Variants in GAB3 observed in about 807,000 individuals in gnomAD.
GAB3 encodes the protein GRB2-associated-binding protein 3.
A neutral mutation model predicts 40.4 loss-of-function variants in GAB3; 12 were observed. That is an observed-to-expected ratio of 0.30 (90% CI 0.19 to 0.48). The LOEUF (loss-of-function observed/expected upper bound fraction) is 0.48. GAB3 is among the 20% of genes least tolerant of loss of function. The pLI is 0.99. For missense variants in GAB3, 381 were observed against 461.9 expected, an observed-to-expected ratio of 0.82 and a Z score of 1.61; for synonymous variants, 154 against 176.7, an observed-to-expected ratio of 0.87 and a Z score of 1.02.
At chrX:154,747,927 A>T (rs1024154947) in intron 1 of GAB3, among the ~76,000 whole-genome samples, 1 of 112,408 alleles carries the variant, frequency 8.9e-6, no homozygotes, top group East Asian at 2.7e-4. Flanking sequence ...TGCAACAAAG[A>T]ACCTATATCC....
intron 1 of GAB3, among the ~76,000 whole-genome samples, chrX:154,720,519 G>A (rs1361678876): frequency 2.7e-5 from 3 of 109,128 alleles, no homozygotes; most frequent in Non-Finnish European, 5.7e-5. Context: ...CCAGCTACTC[G>A]GGAGGCTGAG....
At position 154,699,390 on chromosome X, in the gene GAB3, G is replaced by A. The variant is rs1013532633; in HGVS notation, c.1249C>T (p.Pro417Ser). Residue 417 changes from proline to serine, a missense_variant, in exon 6 of 10, where the codon CCA becomes TCA. This residue lies in a region of GAB3 where 364 missense variants were observed against 421.0 expected (regional missense o/e 0.86). Transcript: ENST00000424127. ...GPHCSPDDYI[P>S]MNSGSISSPL... ...CTTGAGATGCTTCCTGAGTTCATTGGAATGTAGTCATCAGGGCTGCAGTGG... is the reference window on the plus strand; with the variant it reads ...CTTGAGATGCTTCCTGAGTTCATTGAAATGTAGTCATCAGGGCTGCAGTGG... The A allele has an allele frequency of 2.6e-5, 31 of 1,209,028 alleles. No individual in the cohort carries two copies. The highest frequency in any genetic ancestry group is 2.3e-4 in the Middle Eastern group (1 of 4,375).
At chrX:154,704,479 C>T (rs998083996) in intron 4 of GAB3, among the ~76,000 whole-genome samples, 4 of 111,400 alleles carry the variant, frequency 3.6e-5, no homozygotes, top group African/African-American at 1.3e-4. Context: ...ATCAAAACAT[C>T]TCATGTACCC....
chrX:154,710,825 T>C (rs1207395471), intron 4 of GAB3, among the ~76,000 whole-genome samples: 4 of 112,680 alleles, frequency 3.5e-5, no homozygotes, highest in African/African-American at 1.3e-4. Flanking sequence ...TTTATGTTTG[T>C]GTTGAAATTT....
chrX:154,751,039 G>T lies in GAB3; in HGVS notation c.-14C>A. 2 of 797,893 alleles carry T rather than the reference G, an allele frequency of 2.5e-6. No homozygotes were observed. The allele number at this position is 797,893 out of a possible 1,213,427, so 65.8% of individuals were successfully genotyped here. A position where few individuals can be genotyped will look rare whatever the true frequency, so the allele number is the denominator to read the frequency against. On this transcript the variant is annotated 5_prime_UTR_variant, in exon 1 of 10. Coordinates refer to ENST00000424127, the MANE Select transcript of GAB3 (RefSeq NM_001081573.3). ...GCCCGCACTCATCGTGGCCGCCGCC[G>T]CCGCTTCCTCCAGCTGGGCCAGCCG...
chrX:154,708,676 G>A (rs891280728), intron 4 of GAB3, among the ~76,000 whole-genome samples: 1 of 112,036 alleles, frequency 8.9e-6, no homozygotes, highest in Non-Finnish European at 1.9e-5. Flanking sequence ...GCCCACACCT[G>A]TGAGGATGGC....
chrX:154,722,244 TG>T (rs1557258831), intron 1 of GAB3, among the ~76,000 whole-genome samples: 1 of 110,414 alleles, frequency 9.1e-6, no homozygotes, highest in African/African-American at 3.3e-5. Flanking sequence ...TCAAATGTAC[TG>T]TGGTATATTT....
At chrX:154,710,263 C>T (rs182801481) in intron 4 of GAB3, among the ~76,000 whole-genome samples, 16 of 111,910 alleles carry the variant, frequency 1.4e-4, no homozygotes, top group Non-Finnish European at 2.1e-4. Context: ...ATCTACAGAT[C>T]GGATGCAATC....
At chrX:154,708,488 T>C (rs1381777119) in intron 4 of GAB3, among the ~76,000 whole-genome samples, 1 of 111,764 alleles carries the variant, frequency 8.9e-6, no homozygotes, top group Non-Finnish European at 1.9e-5. Flanking sequence ...TAAAAGGGGT[T>C]AACAGTAAAA....
rs1329383266 is a variant in GAB3 at position 154,716,667 on chromosome X, G to A, written c.73-338C>T. ...AAAGAATCTTAGCAATAAAGAACTA[G>A]AAGGAAGCTTTCTTACTATTATGTA... On this transcript the variant is annotated intron_variant, in intron 1 of 9. Transcript: ENST00000424127. Among the ~76,000 whole-genome samples, 7 of 112,370 alleles carry A rather than the reference G, an allele frequency of 6.2e-5. No individual in the cohort carries two copies. The Admixed American group carries it at 6.6e-4, about 11-fold the overall frequency.
At chrX:154,749,657 C>T (rs1395905166) in intron 1 of GAB3, among the ~76,000 whole-genome samples, 2 of 112,381 alleles carry the variant, frequency 1.8e-5, no homozygotes, top group Non-Finnish European at 3.8e-5. Flanking sequence ...CTGATATTCA[C>T]GTGCTAAATA....
At chrX:154,732,924 G>A (rs1557260122) in intron 1 of GAB3, among the ~76,000 whole-genome samples, 2 of 111,855 alleles carry the variant, frequency 1.8e-5, no homozygotes, top group South Asian at 3.8e-4. Flanking sequence ...CTGTCTCAGC[G>A]TGGGAGAAGT....
chrX:154,705,575 A>G (rs886304850), intron 4 of GAB3, among the ~76,000 whole-genome samples: 1 of 111,540 alleles, frequency 9.0e-6, no homozygotes, highest in East Asian at 2.8e-4. Flanking sequence ...AACTAGGCAT[A>G]TAAGGAACAT....
chrX:154,718,999 A>T (rs1484867000), intron 1 of GAB3, among the ~76,000 whole-genome samples: 1 of 111,823 alleles, frequency 8.9e-6, no homozygotes, highest in Non-Finnish European at 1.9e-5. Flanking sequence ...CCTGCTAGAC[A>T]ATGAAGCTAG....
intron 4 of GAB3, among the ~76,000 whole-genome samples, chrX:154,708,458 G>T: frequency 8.9e-6 from 1 of 112,123 alleles, no homozygotes; most frequent in Non-Finnish European, 1.9e-5. Flanking sequence ...GAGAATGAGA[G>T]AAAATATTTG....
chrX:154,751,179 C>G (rs2071611170), upstream of GAB3: 1 of 447,322 alleles, frequency 2.2e-6, no homozygotes, highest in Non-Finnish European at 2.8e-6. Context: ...CCGCGGCCCC[C>G]GGGGAGGGAA....
chrX:154,702,892 T>C (rs1161731168), intron 4 of GAB3, among the ~76,000 whole-genome samples: 1 of 111,818 alleles, frequency 8.9e-6, no homozygotes, highest in Admixed American at 9.5e-5. Context: ...CCAACAAGGA[T>C]ACAAAAAAGC....
chrX:154,719,301 A>G (rs1402742277), intron 1 of GAB3, among the ~76,000 whole-genome samples: 3 of 112,597 alleles, frequency 2.7e-5, no homozygotes, highest in Non-Finnish European at 5.6e-5. Flanking sequence ...TCTCATGGGC[A>G]ACAAGGGAGT....
chrX:154,712,537 T>C lies in GAB3; in HGVS notation c.761A>G (p.Gln254Arg). Residue 254 changes from glutamine to arginine, a missense_variant, in exon 4 of 10, where the codon CAG (glutamine) becomes CGG (arginine). Physicochemically the swap from Gln to Arg is conservative, Grantham distance 43. Coordinates refer to ENST00000424127, the MANE Select transcript of GAB3 (RefSeq NM_001081573.3). ...GAQEVPSSRP[Q>R]AALIWSREIN... ...TTCTCTACTCCAGATCAGGGCAGCC[T>C]GAGGCCTCGAGGATGGCACCTCCTG... 8.4e-7 allele frequency: 1 copy of C among 1,190,898 alleles called. No homozygotes were observed. Among genetic ancestry groups the C allele is most frequent in the South Asian group, 1.9e-5 (1 of 52,744 alleles).
Sources: gnomAD v4.1 joint callset for allele counts (sites outside exome capture counted in the v4.1 genomes callset) on GRCh38, gnomAD v4.1.1 for gene constraint, gnomAD v4.1.1 regional missense constraint, MANE v1.5 for transcripts, NCBI Gene and HGNC (gene_info 2026-07-23, HGNC 2026-07-21) for gene names.